The following SUMF1 variants were observed in gnomAD, a reference collection of about 807,000 sequenced individuals.
The protein encoded by SUMF1 is formylglycine-generating enzyme.
SUMF1 carries 48 observed loss-of-function variants against 47.6 expected under a neutral mutation model. The observed-to-expected ratio is 1.01, with a 90% confidence interval of 0.80 to 1.28. The LOEUF (loss-of-function observed/expected upper bound fraction) is 1.28, where lower values mean the gene tolerates loss of function less well. Among genes scored for constraint, SUMF1 ranks in the 50% most tolerant of loss-of-function variants. The pLI is 0.00. For missense variants in SUMF1, 571 were observed against 485.4 expected, an observed-to-expected ratio of 1.18 and a Z score of -1.66; for synonymous variants, 230 against 192.1, an observed-to-expected ratio of 1.20 and a Z score of -1.63.
chr3:4,045,298 G>A (rs1365732609), intron 9 of SUMF1, among the ~76,000 whole-genome samples: 1 of 151,888 alleles, frequency 6.6e-6, no homozygotes, highest in South Asian at 2.1e-4. Flanking sequence ...CCTCCTAACA[G>A]CATGCCTTAC....
At chr3:4,068,139 G>A (rs963501166) in intron 9 of SUMF1, among the ~76,000 whole-genome samples, 7 of 152,146 alleles carry the variant, frequency 4.6e-5, no homozygotes, top group African/African-American at 1.4e-4. Context: ...CCAATTACCA[G>A]CTTAAAACAT....
At chr3:4,286,775 A>C (rs1697641252) in intron 8 of SUMF1, among the ~76,000 whole-genome samples, 1 of 152,190 alleles carries the variant, frequency 6.6e-6, no homozygotes, top group African/African-American at 2.4e-5. Context: ...GTAGCACAGA[A>C]CACCTAACGT....
chr3:4,052,291 C>T (rs1387992080), intron 9 of SUMF1, among the ~76,000 whole-genome samples: 2 of 152,168 alleles, frequency 1.3e-5, no homozygotes, highest in Non-Finnish European at 2.9e-5. Flanking sequence ...GATGTAATCA[C>T]CTTCCAAAGG....
At chr3:4,191,556 GA>G (rs1695315529) in intron 8 of SUMF1, among the ~76,000 whole-genome samples, 1 of 152,128 alleles carries the variant, frequency 6.6e-6, no homozygotes, top group Admixed American at 6.6e-5. Context: ...ATGGCATGGG[GA>G]ATGAATTGAA....
At chr3:4,404,873 A>T (rs1416163958) in intron 7 of SUMF1, among the ~76,000 whole-genome samples, 1 of 152,202 alleles carries the variant, frequency 6.6e-6, no homozygotes, top group Non-Finnish European at 1.5e-5. Flanking sequence ...CTAGGTACTC[A>T]ATGAATGCTT....
chr3:4,053,694 G>C (rs1350552249), intron 9 of SUMF1, among the ~76,000 whole-genome samples: 3 of 152,030 alleles, frequency 2.0e-5, no homozygotes, highest in African/African-American at 4.8e-5. Context: ...AGGGTCATAA[G>C]GTTTTTGAAG....
chr3:4,134,356 C>T (rs1219795583), intron 8 of SUMF1, among the ~76,000 whole-genome samples: 1 of 152,052 alleles, frequency 6.6e-6, no homozygotes, highest in Non-Finnish European at 1.5e-5. Context: ...AACAACCTGT[C>T]CCTGAATGAC....
chr3:4,342,028 C>T (rs1290472432), intron 8 of SUMF1, among the ~76,000 whole-genome samples: 6 of 152,166 alleles, frequency 3.9e-5, no homozygotes, highest in African/African-American at 1.4e-4. Flanking sequence ...CATGAAAGTT[C>T]TAAAGCTCCA....
chr3:4,116,852 G>A (rs561914183), intron 8 of SUMF1, among the ~76,000 whole-genome samples: 3 of 152,214 alleles, frequency 2.0e-5, no homozygotes, highest in Non-Finnish European at 2.9e-5. Flanking sequence ...CAAATCATGA[G>A]TCCAAATCTG....
chr3:4,387,711 A>C (rs1163224504), intron 7 of SUMF1, among the ~76,000 whole-genome samples: 1 of 152,058 alleles, frequency 6.6e-6, no homozygotes, highest in East Asian at 1.9e-4. Flanking sequence ...GCACACATGC[A>C]GTTCTGCAAA....
chr3:4,074,932 C>T (rs1393578037), intron 8 of SUMF1, among the ~76,000 whole-genome samples: 1 of 152,030 alleles, frequency 6.6e-6, no homozygotes, highest in East Asian at 1.9e-4. Context: ...GGAGCAGATA[C>T]CATTCCTTCT....
intron 9 of SUMF1, among the ~76,000 whole-genome samples, chr3:4,066,314 C>A (rs1553593947): frequency 2.6e-5 from 4 of 152,110 alleles, no homozygotes; most frequent in Non-Finnish European, 4.4e-5. Context: ...ATAAAACGAT[C>A]TTTTTTCATG....
chr3:4,433,643 A>C (rs1404264098), intron 3 of SUMF1, among the ~76,000 whole-genome samples: 1 of 152,252 alleles, frequency 6.6e-6, no homozygotes, highest in Admixed American at 6.5e-5. Context: ...TTACAACATG[A>C]AATGGGTCAT....
intron 8 of SUMF1, among the ~76,000 whole-genome samples, chr3:4,142,412 T>A (rs925707320): frequency 4.6e-5 from 7 of 152,174 alleles, no homozygotes; most frequent in African/African-American, 1.7e-4. Context: ...GAAGTCTTAC[T>A]GAGAGTAGGA....
intron 6 of SUMF1, among the ~76,000 whole-genome samples, chr3:4,415,250 C>G (rs1428498522): frequency 7.1e-6 from 1 of 141,138 alleles, no homozygotes; most frequent in African/African-American, 2.7e-5. Context: ...AAAAAACAGA[C>G]AGAAAAATAA....
intron 8 of SUMF1, chr3:4,317,365 T>A: frequency 1.4e-6 from 1 of 713,394 alleles, no homozygotes; most frequent in Non-Finnish European, 2.3e-6. Context: ...GCATTTGAAG[T>A]AGATTCCACG....
intron 8 of SUMF1, among the ~76,000 whole-genome samples, chr3:4,294,380 C>A (rs1697801438): frequency 6.6e-6 from 1 of 152,120 alleles, no homozygotes; most frequent in Non-Finnish European, 1.5e-5. Context: ...CCAGGCAACA[C>A]TGCAAGACCC....
At chr3:4,045,149 T>A (rs1381439085) in intron 9 of SUMF1, among the ~76,000 whole-genome samples, 1 of 152,152 alleles carries the variant, frequency 6.6e-6, no homozygotes, top group Non-Finnish European at 1.5e-5. Flanking sequence ...CAGTTAATTA[T>A]AAGTACAGGA....
At chr3:4,251,539 T>C (rs1171276710) in intron 8 of SUMF1, among the ~76,000 whole-genome samples, 19 of 152,184 alleles carry the variant, frequency 1.2e-4, no homozygotes, top group Non-Finnish European at 2.8e-4. Context: ...TACAGAGAAA[T>C]CTTTTCTGAA....
Sources: allele counts gnomAD v4.1 joint callset (sites outside exome capture counted in the v4.1 genomes callset), GRCh38; gene constraint gnomAD v4.1.1; transcripts MANE v1.5; gene names NCBI Gene and HGNC (gene_info 2026-07-23, HGNC 2026-07-21).